The following CDH4 variants were observed in gnomAD, a reference collection of about 807,000 sequenced individuals.
The protein encoded by CDH4 is cadherin-4.
A neutral mutation model predicts 86.0 loss-of-function variants in CDH4; 33 were observed. The ratio of observed to expected loss-of-function variants is 0.38; its 90% CI spans 0.29 to 0.51. CDH4 has a LOEUF of 0.51. Among genes scored for constraint, CDH4 ranks in the 20% least tolerant of loss-of-function variants. The pLI is 0.86. For missense variants in CDH4, 1,114 were observed against 1,307.4 expected, an observed-to-expected ratio of 0.85 and a Z score of 2.28; for synonymous variants, 555 against 549.4, an observed-to-expected ratio of 1.01 and a Z score of -0.14.
chr20:61,310,814 G>C (rs1394193106), intron 2 of CDH4, among the ~76,000 whole-genome samples: 1 of 152,138 alleles, frequency 6.6e-6, no homozygotes, highest in Non-Finnish European at 1.5e-5. Flanking sequence ...TTTTCCTTCT[G>C]CGTGTCTGCG....
At chr20:61,502,194 A>C (rs2085707507) in intron 2 of CDH4, among the ~76,000 whole-genome samples, 1 of 152,190 alleles carries the variant, frequency 6.6e-6, no homozygotes, top group African/African-American at 2.4e-5. Flanking sequence ...TCTCTGCTCC[A>C]ATGCAGCATC....
In CDH4 at chr20:61,773,080, C is replaced by T. The variant is rs2088796387; in HGVS notation, c.474C>T (p.His158=). Residue 158 remains histidine (H), a synonymous_variant, in exon 4 of 16, where the codon CAC becomes CAT. Transcript: ENST00000614565. ...PKDTLLPWPQ[H]QNANGLRRRK... ...ACACCCTGCTGCCGTGGCCCCAGCA[C>T]CAGAACGCCAACGGGCTGAGGCGGC... The T allele has an allele frequency of 6.2e-7, 1 of 1,613,664 alleles. No homozygotes were observed.
chr20:61,927,728 G>T (rs1271335864), intron 11 of CDH4, among the ~76,000 whole-genome samples: 1 of 152,238 alleles, frequency 6.6e-6, no homozygotes, highest in Non-Finnish European at 1.5e-5. Flanking sequence ...ACCCCTCCCT[G>T]GCTCCCCAGT....
intron 2 of CDH4, among the ~76,000 whole-genome samples, chr20:61,611,078 C>T (rs760627315): frequency 5.9e-5 from 9 of 152,020 alleles, no homozygotes; most frequent in Admixed American, 1.3e-4. Flanking sequence ...TCAGGCTCTT[C>T]GGTGGGGTGG....
At chr20:61,670,626 G>A (rs2087375977) in intron 2 of CDH4, among the ~76,000 whole-genome samples, 1 of 152,248 alleles carries the variant, frequency 6.6e-6, no homozygotes, top group Admixed American at 6.5e-5. Context: ...AAAGTGCAAA[G>A]CACTTGTTTT....
chr20:61,923,549 G>A lies in CDH4; in HGVS notation c.1473G>A (p.Thr491=), dbSNP rs371245202. 68 of 1,614,050 alleles carry A rather than the reference G, an allele frequency of 4.2e-5. No homozygotes were observed. Among genetic ancestry groups the A allele is most frequent in the Non-Finnish European group, 5.3e-5 (62 of 1,180,038 alleles). ...ASGIQMSFQS[T]AGVTISIMDI... ...GAATCCAGATGTCCTTCCAGTCCAC[G>A]GCAGGGGTGACCATCTCCATCATGG... Residue 491 remains threonine (T), a synonymous_variant, in exon 10 of 16, where the codon ACG becomes ACA. Coordinates refer to ENST00000614565, the MANE Select transcript of CDH4 (RefSeq NM_001794.5).
chr20:61,924,766 C>T (rs2236070), intron 11 of CDH4, among the ~76,000 whole-genome samples: 26,275 of 152,188 alleles, frequency 0.17, 2,849 homozygotes, highest in Middle Eastern at 0.25. Context: ...TTCCCCCCAA[C>T]GTCACTCACC....
chr20:61,895,446 C>G (rs542162475), intron 8 of CDH4, among the ~76,000 whole-genome samples: 1 of 152,332 alleles, frequency 6.6e-6, no homozygotes, highest in South Asian at 2.1e-4. Flanking sequence ...CTTGGCTGAC[C>G]CTCTGTGGCC....
chr20:61,354,947 G>C (rs537659562), intron 2 of CDH4, among the ~76,000 whole-genome samples: 1 of 152,124 alleles, frequency 6.6e-6, no homozygotes, highest in Non-Finnish European at 1.5e-5. Flanking sequence ...AGGCATCACC[G>C]GCCACATTTG....
At chr20:61,797,317 G>A (rs763281826) in intron 4 of CDH4, among the ~76,000 whole-genome samples, 2 of 152,098 alleles carry the variant, frequency 1.3e-5, no homozygotes, top group Admixed American at 6.5e-5. Context: ...GAAGGCTCAC[G>A]CCATCCACTG....
At chr20:61,534,007 G>A (rs1014614491) in intron 2 of CDH4, among the ~76,000 whole-genome samples, 3 of 152,174 alleles carry the variant, frequency 2.0e-5, no homozygotes, top group Non-Finnish European at 2.9e-5. Context: ...GAGATAAATG[G>A]ACTGAATGTT....
chr20:61,584,555 T>C (rs1332665905), intron 2 of CDH4, among the ~76,000 whole-genome samples: 2 of 152,136 alleles, frequency 1.3e-5, no homozygotes, highest in Non-Finnish European at 2.9e-5. Context: ...CTGTCTCCAG[T>C]GGACAGCAGG....
intron 2 of CDH4, among the ~76,000 whole-genome samples, chr20:61,739,549 C>A (rs2088308022): frequency 6.6e-6 from 1 of 152,230 alleles, no homozygotes; most frequent in Non-Finnish European, 1.5e-5. Context: ...CCCAGCCAGG[C>A]CTGAGCACTG....
chr20:61,350,493 C>T, intron 2 of CDH4, among the ~76,000 whole-genome samples: 1 of 103,684 alleles, frequency 9.6e-6, no homozygotes, highest in Non-Finnish European at 1.9e-5. Flanking sequence ...CAGGCAGACA[C>T]CTCCCCCTCC....
rs1324089266 is a variant in CDH4, at chr20:61,565,230, GTGGTGGTGGTGGCGGTGCTCT to G, written c.170-178327_170-178307del. Among the ~76,000 whole-genome samples the G allele has an allele frequency of 1.3e-4, 4 of 30,608 alleles. 1 individual carries two copies. Among genetic ancestry groups the G allele is most frequent in the Non-Finnish European group, 2.5e-4 (4 of 15,766 alleles). The allele number at this position is 30,608 out of a possible 152,430, so 20.1% of individuals were successfully genotyped here. On this transcript the variant is annotated intron_variant, in intron 2 of 15. Coordinates refer to ENST00000614565, the MANE Select transcript of CDH4 (RefSeq NM_001794.5). ...GCGGTGCTCTCGGTGGTAGGTGGTG[GTGGTGGTGGTGGCGGTGCTCT>G]TGGTGATGGTGGTGGTGGTCCTCTT...
At chr20:61,600,575 G>GGAAGCACTCA (rs1199960665) in intron 2 of CDH4, among the ~76,000 whole-genome samples, 9 of 152,200 alleles carry the variant, frequency 5.9e-5, no homozygotes, top group Non-Finnish European at 1.2e-4. Context: ...CCTCAGCCCA[G>GGAAGCACTCA]GAAGCACTCA....
chr20:61,591,210 G>A (rs1016935994), intron 2 of CDH4, among the ~76,000 whole-genome samples: 15 of 152,306 alleles, frequency 9.8e-5, no homozygotes, highest in Non-Finnish European at 2.1e-4. Flanking sequence ...GACAAGTACC[G>A]GGGCCAAACC....
rs560579838 is a variant in CDH4, at chr20:61,762,847, CT to C, written c.397-10153del. Among the ~76,000 whole-genome samples, 6 of 152,374 alleles carry C rather than the reference CT, an allele frequency of 3.9e-5. No homozygotes were observed. In the South Asian group the frequency reaches 1.0e-3, roughly 26 times the overall value. On this transcript the variant is annotated intron_variant, in intron 3 of 15. Coordinates refer to ENST00000614565, the MANE Select transcript of CDH4 (RefSeq NM_001794.5). ...GGGTAATGAGAGCCAGCAGTTACACCTTTCCAGGAGGGGGACAGGTGCACCC... is the reference window on the plus strand; with the variant it reads ...GGGTAATGAGAGCCAGCAGTTACACCTTCCAGGAGGGGGACAGGTGCACCC...
At chr20:61,835,221 G>T (rs1338893852) in intron 4 of CDH4, among the ~76,000 whole-genome samples, 5 of 151,098 alleles carry the variant, frequency 3.3e-5, no homozygotes, top group African/African-American at 1.2e-4. Flanking sequence ...CAACTAAGTT[G>T]TTGTTGTTTT....
Sources: allele counts gnomAD v4.1 joint callset (sites outside exome capture counted in the v4.1 genomes callset), GRCh38; gene constraint gnomAD v4.1.1; transcripts MANE v1.5; gene names NCBI Gene and HGNC (gene_info 2026-07-23, HGNC 2026-07-21).